PTGS1: variants seen among roughly 807,000 people sequenced by gnomAD.
PTGS1 encodes prostaglandin-endoperoxide synthase 1.
In PTGS1, 40 loss-of-function variants were observed where a neutral mutation model predicts 63.0. That is an observed-to-expected ratio of 0.63 (90% confidence interval 0.49 to 0.83). The LOEUF (loss-of-function observed/expected upper bound fraction) is 0.83. Ranked by LOEUF, PTGS1 falls within the 40% of genes least tolerant of loss-of-function variation. The pLI, the probability that PTGS1 is intolerant of heterozygous loss-of-function variation, is 0.00. For synonymous variants in PTGS1, 298 were observed against 301.9 expected (o/e 0.99, Z 0.13); for missense variants, 709 against 786.5 (o/e 0.90, Z 1.18).
At position 122,390,420 on chromosome 9, in the gene PTGS1, T is replaced by C. The variant is rs1010358213; in HGVS notation, c.1444+75T>C. On this transcript the variant is annotated intron_variant, in intron 10 of 10. Transcript: ENST00000362012. ...CAAAGTCAGGGAGACATCAAGGAAA[T>C]AGAACGGGACAATACATGCGGCAAT... is the stretch of plus-strand genomic sequence containing the variant. The C allele has an allele frequency of 4.2e-5, 63 of 1,513,772 alleles. 2 individuals are homozygous for C. The South Asian group carries it at 5.0e-4, about 12-fold the overall frequency. 93.8% of individuals were successfully genotyped at this position (1,513,772 alleles called of 1,614,324 possible).
chr9:122,372,039 A>G (rs1482876748), intron 2 of PTGS1, among the ~76,000 whole-genome samples: 1 of 152,108 alleles, frequency 6.6e-6, no homozygotes, highest in East Asian at 1.9e-4. Flanking sequence ...GCCAGGTTCC[A>G]GGTGAAGGAA....
intron 9 of PTGS1, among the ~76,000 whole-genome samples, chr9:122,388,865 A>G (rs1382500110): frequency 6.6e-6 from 1 of 152,170 alleles, no homozygotes; most frequent in Non-Finnish European, 1.5e-5. Flanking sequence ...TCTTAACTTG[A>G]TTACTTTTGC....
chr9:122,372,842 G>C (rs940737655), intron 2 of PTGS1: 1 of 152,188 alleles, frequency 6.6e-6, no homozygotes, highest in Non-Finnish European at 1.5e-5. Context: ...TATCCCCAAG[G>C]GTTATTTATG....
chr9:122,377,958 G>C lies in PTGS1; in HGVS notation c.154G>C (p.Asp52His). The C allele has an allele frequency of 6.2e-7, 1 of 1,614,020 alleles. No homozygotes were observed. The highest frequency in any genetic ancestry group is 1.1e-5 in the South Asian group (1 of 91,088). ...GGGCATCTGTGTCCGCTTCGGCCTT[G>C]ACCGCTACCAGTGTGACTGCACCCG... ...HQGICVRFGL[D>H]RYQCDCTRTG... Residue 52 changes from aspartate (D) to histidine (H), a missense_variant, in exon 3 of 11, where the codon GAC becomes CAC. Asp to His is a moderately conservative substitution (Grantham distance 81, BLOSUM62 -1). Coordinates refer to ENST00000362012, the MANE Select transcript of PTGS1 (RefSeq NM_000962.4).
chr9:122,385,083 G>A (rs370977117), intron 8 of PTGS1, among the ~76,000 whole-genome samples: 4 of 152,034 alleles, frequency 2.6e-5, no homozygotes, highest in African/African-American at 7.3e-5. Flanking sequence ...TCAGCCTCCC[G>A]AGTAGCTGGG....
At position 122,378,780 on chromosome 9, in the gene PTGS1, T is replaced by G; in HGVS notation, c.358T>G (p.Ser120Ala). 1 of 1,614,166 alleles carries G rather than the reference T, an allele frequency of 6.2e-7. No homozygotes were observed. The highest frequency in any genetic ancestry group is 8.5e-7 in the Non-Finnish European group (1 of 1,180,014). The change falls in exon 5 of 11, where the codon TCC becomes GCC. Residue 120 changes from serine to alanine, a missense_variant. Coordinates refer to ENST00000362012, the MANE Select transcript of PTGS1 (RefSeq NM_000962.4). Reference protein sequence around the residue: ...MLMRLVLTVRSNLIPSPPTYN... With the variant: ...MLMRLVLTVRANLIPSPPTYN... ...GTTATTTTTGCTCTCTGCAGTGCGC[T>G]CCAACCTTATCCCCAGTCCCCCCAC...
Position 122,383,788 on chromosome 9 carries a change from G to T in PTGS1, c.1009+33G>T, listed in dbSNP as rs377264418. The T allele has an allele frequency of 1.4e-5, 22 of 1,590,630 alleles. No individual in the cohort carries two copies. In the African/African-American group the frequency reaches 2.8e-4, roughly 20 times the overall value. ...CTCCAGACCTGCCCTGCCCTGGAAGGTCATTCCCTCCATCCTGAGAAGTTG... is the reference window on the plus strand; with the variant it reads ...CTCCAGACCTGCCCTGCCCTGGAAGTTCATTCCCTCCATCCTGAGAAGTTG... On this transcript the variant is annotated intron_variant, in intron 8 of 10. Coordinates refer to ENST00000362012, the MANE Select transcript of PTGS1 (RefSeq NM_000962.4).
At chr9:122,386,958 C>G (rs753718915) in intron 9 of PTGS1, among the ~76,000 whole-genome samples, 1 of 152,074 alleles carries the variant, frequency 6.6e-6, no homozygotes, top group Non-Finnish European at 1.5e-5. Context: ...TGGTTCTTGG[C>G]TCATCTTTTA....
chr9:122,388,389 C>T (rs1324157560), intron 9 of PTGS1, among the ~76,000 whole-genome samples: 1 of 152,128 alleles, frequency 6.6e-6, no homozygotes, highest in Non-Finnish European at 1.5e-5. Flanking sequence ...TAACCATTGT[C>T]CATGGCTACC....
At chr9:122,375,438 G>T in intron 2 of PTGS1, 1 of 985,552 alleles carries the variant, frequency 1.0e-6, no homozygotes, top group Non-Finnish European at 1.2e-6. Flanking sequence ...TTTTGGTCAG[G>T]CTGGAGGTGA....
intron 9 of PTGS1, among the ~76,000 whole-genome samples, chr9:122,388,202 T>G (rs10306167): frequency 0.018 from 2,693 of 152,258 alleles, 73 homozygotes; most frequent in African/African-American, 0.062. Context: ...TGTCAAGATT[T>G]TTTTTCTTTT....
At chr9:122,383,905 T>C in intron 8 of PTGS1, 150 bp downstream of exon 8, 1 of 1,055,350 alleles carries the variant, frequency 9.5e-7, no homozygotes, top group Non-Finnish European at 1.3e-6. Context: ...CCCCTCAACC[T>C]CTGTGAGCCT....
chr9:122,377,729 G>A (rs1300708953), intron 2 of PTGS1, among the ~76,000 whole-genome samples, 170 bp from the exon 3 acceptor site: 1 of 152,200 alleles, frequency 6.6e-6, no homozygotes, highest in Non-Finnish European at 1.5e-5. Context: ...GTTCACAGAG[G>A]TGGGAACAGG....
Position 122,392,372 on chromosome 9 carries a change from A to C in PTGS1, c.1628A>C (p.Tyr543Ser), listed in dbSNP as rs778094724. The C allele has an allele frequency of 6.2e-7, 1 of 1,614,142 alleles. No homozygotes were observed. The highest frequency in any genetic ancestry group is 8.5e-7 in the Non-Finnish European group (1 of 1,180,024). The change falls in exon 11 of 11, where the codon TAC (tyrosine) becomes TCC (serine). Residue 543 changes from tyrosine (Y) to serine (S), a missense_variant. Tyr to Ser is a moderately radical substitution (Grantham distance 144). Transcript: ENST00000362012. Reference sequence around the variant, plus strand: ...GGGAATCCCATCTGTTCTCCGGAGTACTGGAAGCCGAGCACATTTGGCGGC... The same window carrying C: ...GGGAATCCCATCTGTTCTCCGGAGTCCTGGAAGCCGAGCACATTTGGCGGC... ...LLGNPICSPE[Y>S]WKPSTFGGEV... is the part of the protein sequence containing the mutation.
At chr9:122,391,009 G>A (rs1340470236) in intron 10 of PTGS1, among the ~76,000 whole-genome samples, 3 of 152,188 alleles carry the variant, frequency 2.0e-5, no homozygotes, top group East Asian at 3.9e-4. Context: ...GTGATGGGAG[G>A]TTGGGGCCAA....
intron 5 of PTGS1, among the ~76,000 whole-genome samples, chr9:122,379,943 C>A (rs998761073): frequency 5.3e-5 from 8 of 152,126 alleles, no homozygotes; most frequent in Admixed American, 2.6e-4. Flanking sequence ...TCAAAAAATT[C>A]TATTCCTTTC....
At chr9:122,371,334 C>A (rs1836791022) in intron 2 of PTGS1, 62 bp downstream of exon 2, 2 of 1,595,820 alleles carry the variant, frequency 1.3e-6, no homozygotes, top group South Asian at 2.2e-5. Flanking sequence ...CTGGTTTCAA[C>A]CCCCTCCTTT....
chr9:122,383,895 C>G, intron 8 of PTGS1, 140 bp downstream of exon 8: 1 of 1,156,566 alleles, frequency 8.6e-7, no homozygotes, highest in Non-Finnish European at 1.2e-6. Context: ...CTTGAGCAGG[C>G]CCCTCAACCT....
At chr9:122,382,239 GA>G (rs771801782) in intron 7 of PTGS1, among the ~76,000 whole-genome samples, 1 of 152,160 alleles carries the variant, frequency 6.6e-6, no homozygotes, top group Non-Finnish European at 1.5e-5. Context: ...GAGGGAAAAA[GA>G]AACAGGTGAA....
Sources: gnomAD v4.1 joint callset for allele counts (sites outside exome capture counted in the v4.1 genomes callset) on GRCh38, gnomAD v4.1.1 for gene constraint, MANE v1.5 for transcripts, NCBI Gene and HGNC (gene_info 2026-07-23, HGNC 2026-07-21) for gene names.